Variants in RTKN2 observed in about 807,000 individuals in gnomAD.
The protein encoded by RTKN2 is rhotekin-2.
RTKN2 carries 69 observed loss-of-function variants against 71.5 expected under a neutral mutation model. The ratio of observed to expected loss-of-function variants is 0.96; its 90% CI spans 0.79 to 1.18. RTKN2 has a LOEUF of 1.18. Ranked by LOEUF, RTKN2 falls within the 50% of genes most tolerant of loss-of-function variation. RTKN2 has a pLI of 0.00. For synonymous variants in RTKN2, 236 were observed against 236.5 expected, an observed-to-expected ratio of 1.00 and a Z score of 0.02; for missense variants, 724 against 719.7, an observed-to-expected ratio of 1.01 and a Z score of -0.07.
At chr10:62,256,082 G>A (rs1246688722) in intron 2 of RTKN2, among the ~76,000 whole-genome samples, 3 of 150,152 alleles carry the variant, frequency 2.0e-5, no homozygotes, top group Non-Finnish European at 2.9e-5. Flanking sequence ...GCAGTGGCAT[G>A]ATTGTCGCTC....
intron 2 of RTKN2, among the ~76,000 whole-genome samples, chr10:62,254,216 T>TG (rs1253228247): frequency 1.3e-5 from 2 of 152,136 alleles, no homozygotes; most frequent in Admixed American, 1.3e-4. Context: ...AGAGACCTGG[T>TG]GGGAGGTGAT....
chr10:62,227,094 G>T (rs78638232), intron 6 of RTKN2, among the ~76,000 whole-genome samples: 2,547 of 152,346 alleles, frequency 0.017, 66 homozygotes, highest in African/African-American at 0.057. Context: ...TCGACAATAA[G>T]TGGGGTGCCT....
chr10:62,240,032 T>G lies in RTKN2; in HGVS notation c.371-267A>C, dbSNP rs573299119. Among the ~76,000 whole-genome samples the G allele has an allele frequency of 2.0e-5, 3 of 152,206 alleles. No homozygotes were observed. The South Asian group carries it at 6.2e-4, about 32-fold the overall frequency. On this transcript the variant is annotated intron_variant, in intron 4 of 11. Transcript: ENST00000373789. ...AAAGAAACCACCAAACTCATAAATTTTATTCCTATTAAACTTCTTAAGCTT... is the reference window on the plus strand; with the variant it reads ...AAAGAAACCACCAAACTCATAAATTGTATTCCTATTAAACTTCTTAAGCTT...
chr10:62,186,202 G>C (rs760494775), intron 8 of RTKN2, among the ~76,000 whole-genome samples: 1 of 130,720 alleles, frequency 7.6e-6, no homozygotes, highest in Admixed American at 7.2e-5. Context: ...TATTCTTAAC[G>C]TATATGCTTT....
chr10:62,236,702 T>A (rs960734191), intron 5 of RTKN2, among the ~76,000 whole-genome samples: 1 of 151,956 alleles, frequency 6.6e-6, no homozygotes, highest in African/African-American at 2.4e-5. Flanking sequence ...TTATTCACAA[T>A]CGCCAAGGTA....
At chr10:62,224,054 G>T (rs1330334365) in intron 6 of RTKN2, among the ~76,000 whole-genome samples, 1 of 152,098 alleles carries the variant, frequency 6.6e-6, no homozygotes, top group Non-Finnish European at 1.5e-5. Flanking sequence ...CGACATGGAT[G>T]AATCTTGAAG....
intron 5 of RTKN2, chr10:62,238,328 GTTA>G (rs1842300420): frequency 6.6e-6 from 1 of 151,868 alleles, no homozygotes; most frequent in South Asian, 2.1e-4. Flanking sequence ...TTTGTCAGCA[GTTA>G]TTTTTAGTAC....
At chr10:62,188,664 C>T (rs1313452723), downstream of RTKN2, among the ~76,000 whole-genome samples, 4 of 152,056 alleles carry the variant, frequency 2.6e-5, no homozygotes, top group Non-Finnish European at 5.9e-5. Flanking sequence ...TTACTTCCTC[C>T]AAAAATCCTT....
At chr10:62,221,648 T>C (rs1188145599) in intron 7 of RTKN2, among the ~76,000 whole-genome samples, 1 of 152,162 alleles carries the variant, frequency 6.6e-6, no homozygotes, top group Non-Finnish European at 1.5e-5. Context: ...GATATAACTA[T>C]GGGTCGAAAA....
chr10:62,257,897 C>G (rs2133080997), intron 2 of RTKN2, among the ~76,000 whole-genome samples: 1 of 152,244 alleles, frequency 6.6e-6, no homozygotes, highest in Non-Finnish European at 1.5e-5. Flanking sequence ...TACTGCCTAC[C>G]CAATCCAGAA....
chr10:62,252,279 A>G (rs1455558515), intron 2 of RTKN2, among the ~76,000 whole-genome samples: 1 of 152,108 alleles, frequency 6.6e-6, no homozygotes, highest in African/African-American at 2.4e-5. Flanking sequence ...TCTTAATAAC[A>G]ATACAATGGA....
intron 8 of RTKN2, among the ~76,000 whole-genome samples, chr10:62,187,133 C>T (rs1436236890): frequency 6.6e-6 from 1 of 152,100 alleles, no homozygotes; most frequent in Non-Finnish European, 1.5e-5. Flanking sequence ...GGCTGCTTTG[C>T]TGCCTAATAC....
intron 3 of RTKN2, among the ~76,000 whole-genome samples, chr10:62,243,133 CT>C (rs1305810274): frequency 9.5e-6 from 1 of 105,372 alleles, no homozygotes; most frequent in African/African-American, 3.7e-5. Flanking sequence ...TCCCTCCCCC[CT>C]CCCCCCACCC....
At chr10:62,258,443 A>G (rs1446208889) in intron 2 of RTKN2, among the ~76,000 whole-genome samples, 1 of 152,158 alleles carries the variant, frequency 6.6e-6, no homozygotes, top group Non-Finnish European at 1.5e-5. Context: ...ATCCACACAC[A>G]GTTTTGATTT....
At chr10:62,246,389 C>T (rs1842479742) in intron 2 of RTKN2, among the ~76,000 whole-genome samples, 3 of 151,948 alleles carry the variant, frequency 2.0e-5, no homozygotes, top group Non-Finnish European at 4.4e-5. Flanking sequence ...AAGTATAATA[C>T]CTTAGATCAC....
At chr10:62,199,430 C>T (rs1013912175) in intron 11 of RTKN2, among the ~76,000 whole-genome samples, 1 of 152,108 alleles carries the variant, frequency 6.6e-6, no homozygotes, top group African/African-American at 2.4e-5. Context: ...AACATGATTA[C>T]ATTTTAGAAT....
chr10:62,246,121 T>C, intron 2 of RTKN2, 64 bp from the exon 3 acceptor site: 1 of 1,034,206 alleles, frequency 9.7e-7, no homozygotes, highest in Non-Finnish European at 1.5e-6. Flanking sequence ...TTTAACAGTG[T>C]TTCACAAATG....
At position 62,198,330 on chromosome 10, in the gene RTKN2, A is replaced by G. The variant is rs1231566015; in HGVS notation, c.1408T>C (p.Trp470Arg). 2 of 1,613,900 alleles carry G rather than the reference A, an allele frequency of 1.2e-6. No homozygotes were observed. Among genetic ancestry groups the G allele is most frequent in the Admixed American group, 3.3e-5 (2 of 59,978 alleles). Residue 470 changes from tryptophan to arginine, a missense_variant, in exon 12 of 12, where the codon TGG (tryptophan) becomes CGG (arginine). Coordinates refer to ENST00000373789, the MANE Select transcript of RTKN2 (RefSeq NM_145307.4). ...TGGTTACCATCAAAGAGTGTGGCCC[A>G]AGGAGGTGGTAAGGATTCTTCATGC... Reference protein sequence around the residue: ...GQHEESLPPPWATLFDGNHQM... With the variant: ...GQHEESLPPPRATLFDGNHQM...
At position 62,268,826 on chromosome 10, in the gene RTKN2, G is replaced by T; in HGVS notation, c.-216C>A. 1 of 540,118 alleles carries T rather than the reference G, an allele frequency of 1.9e-6. No homozygotes were observed. The highest frequency in any genetic ancestry group is 3.2e-6 in the Non-Finnish European group (1 of 310,912). 33.5% of individuals were successfully genotyped at this position (540,118 alleles called of 1,614,324 possible). A position where few individuals can be genotyped will look rare whatever the true frequency, so the allele number is the denominator to read the frequency against. ...GCCGCCGGAAGTTGCCGAGACCCCA[G>T]GCTCTAGCGCGGCGGGGCGGGGGAG... is the stretch of plus-strand genomic sequence containing the variant. On this transcript the variant is annotated 5_prime_UTR_variant, in exon 1 of 12. It adds an upstream start codon to the 5' untranslated region. Coordinates refer to ENST00000373789, the MANE Select transcript of RTKN2 (RefSeq NM_145307.4).
Sources: allele counts gnomAD v4.1 joint callset (sites outside exome capture counted in the v4.1 genomes callset), GRCh38; gene constraint gnomAD v4.1.1; transcripts MANE v1.5; gene names NCBI Gene and HGNC (gene_info 2026-07-23, HGNC 2026-07-21).